Variants in XIRP2 observed in about 807,000 individuals in gnomAD.
The protein encoded by XIRP2 is xin actin-binding repeat-containing protein 2.
In XIRP2, 236 loss-of-function variants were observed where a neutral mutation model predicts 277.0. The ratio of observed to expected loss-of-function variants is 0.85; its 90% CI spans 0.77 to 0.95. The LOEUF (loss-of-function observed/expected upper bound fraction) is 0.95. Among genes scored for constraint, XIRP2 ranks in the 40% least tolerant of loss-of-function variants. The pLI is 0.00. For missense variants in XIRP2, 4,640 were observed against 4,157.5 expected, an observed-to-expected ratio of 1.12 and a Z score of -3.19; for synonymous variants, 1,490 against 1,416.5, an observed-to-expected ratio of 1.05 and a Z score of -1.17.
At chr2:166,936,138 T>G (rs1285354025) in intron 2 of XIRP2, among the ~76,000 whole-genome samples, 1 of 152,258 alleles carries the variant, frequency 6.6e-6, no homozygotes, top group Non-Finnish European at 1.5e-5. Context: ...CATTGTAGTT[T>G]TATTTGCATT....
chr2:167,242,627 C>T lies in XIRP2; in HGVS notation c.1235C>T (p.Thr412Ile). The change falls in exon 9 of 11, where the codon ACT becomes ATT. Residue 412 changes from threonine (T) to isoleucine (I), a missense_variant. Transcript: ENST00000409195. ...TCATCAGTTGTGAGTACCTCTTCCA[C>T]TTCTTGCGTTTCAACCAGCCAGAGG... Reference protein sequence around the residue: ...KPSSVVSTSSTSCVSTSQRKE... With the variant: ...KPSSVVSTSSISCVSTSQRKE... The T allele has an allele frequency of 6.2e-7, 1 of 1,614,078 alleles. No individual in the cohort carries two copies. Among genetic ancestry groups the T allele is most frequent in the Non-Finnish European group, 8.5e-7 (1 of 1,179,976 alleles).
chr2:167,125,808 C>G (rs191108214), intron 2 of XIRP2, among the ~76,000 whole-genome samples: 1 of 152,110 alleles, frequency 6.6e-6, no homozygotes, highest in Non-Finnish European at 1.5e-5. Context: ...GTTTTAATCA[C>G]TCATGGTTCT....
intron 3 of XIRP2, among the ~76,000 whole-genome samples, chr2:167,206,147 C>A (rs1332467307): frequency 6.6e-6 from 1 of 152,116 alleles, no homozygotes; most frequent in Non-Finnish European, 1.5e-5. Flanking sequence ...TTTTCTTTTT[C>A]CATGAACTTA....
At chr2:167,059,278 T>A in intron 2 of XIRP2, among the ~76,000 whole-genome samples, 1 of 150,898 alleles carries the variant, frequency 6.6e-6, no homozygotes. Context: ...TATTTTTTTA[T>A]TTTTTTATTT....
intron 2 of XIRP2, among the ~76,000 whole-genome samples, chr2:166,984,345 C>T (rs1161163029): frequency 6.6e-6 from 1 of 152,038 alleles, no homozygotes; most frequent in South Asian, 2.1e-4. Context: ...GACACAGTAG[C>T]CTAAAATAAC....
intron 2 of XIRP2, among the ~76,000 whole-genome samples, chr2:167,044,656 G>A (rs1201209644): frequency 1.3e-5 from 2 of 151,998 alleles, no homozygotes; most frequent in East Asian, 3.9e-4. Context: ...TATCAAGAAT[G>A]CAATTCTATT....
rs370077843 is a variant in XIRP2, at chr2:166,969,299, A to G, written c.408+65409A>G. Among the ~76,000 whole-genome samples, 86 of 152,140 alleles carry G rather than the reference A, an allele frequency of 5.7e-4. 3 individuals carry two copies. The South Asian group carries it at 0.016, about 29-fold the overall frequency. Reference sequence around the variant, plus strand: ...TATGACACTTTGAATAGATGTTCAAAGGATCAGGAGACAGCAACAATGTTT... The same window carrying G: ...TATGACACTTTGAATAGATGTTCAAGGGATCAGGAGACAGCAACAATGTTT... On this transcript the variant is annotated intron_variant, in intron 2 of 10. Transcript: ENST00000409195.
rs1695131476 is a variant in XIRP2 at position 167,243,253 on chromosome 2, T to G, written c.1861T>G (p.Phe621Val). The change falls in exon 9 of 11, where the codon TTT becomes GTT. Residue 621 changes from phenylalanine (F) to valine (V), a missense_variant. Phe to Val is a conservative substitution (Grantham distance 50). Coordinates refer to ENST00000409195, the MANE Select transcript of XIRP2 (RefSeq NM_152381.6). ...TGATGTGAAATATACCACATGGATGTTTGAAACCCAACCCATCGACACACT... is the reference window on the plus strand; with the variant it reads ...TGATGTGAAATATACCACATGGATGGTTGAAACCCAACCCATCGACACACT... ...GGDVKYTTWM[F>V]ETQPIDTLGA... 6.2e-7 allele frequency: 1 copy of G among 1,613,722 alleles called. No homozygotes were observed. Among genetic ancestry groups the G allele is most frequent in the Non-Finnish European group, 8.5e-7 (1 of 1,179,802 alleles).
rs187202525 is a variant in XIRP2 at position 167,011,009 on chromosome 2, A to G, written c.408+107119A>G. ...GGTTTTCTAGATATACAATCATGTC[A>G]TCTGCAAACAGGGCCAATATGACTT... On this transcript the variant is annotated intron_variant, in intron 2 of 10. Coordinates refer to ENST00000409195, the MANE Select transcript of XIRP2 (RefSeq NM_152381.6). Among the ~76,000 whole-genome samples, 162 of 152,246 alleles carry G rather than the reference A, an allele frequency of 1.1e-3. 3 individuals carry two copies. The South Asian group carries it at 0.013, about 12-fold the overall frequency.
intron 3 of XIRP2, 43 bp downstream of exon 3, chr2:167,136,105 G>A (rs1427626443): frequency 6.6e-7 from 1 of 1,512,518 alleles, no homozygotes; most frequent in African/African-American, 1.4e-5. Context: ...ATCATACCTT[G>A]TACAACATGA....
intron 2 of XIRP2, among the ~76,000 whole-genome samples, chr2:167,083,287 T>C (rs1308910536): frequency 6.6e-6 from 1 of 152,206 alleles, no homozygotes; most frequent in Non-Finnish European, 1.5e-5. Flanking sequence ...GGCTCTGTTC[T>C]GTTCCATTGA....
At chr2:167,056,006 A>T (rs1025819845) in intron 2 of XIRP2, among the ~76,000 whole-genome samples, 2 of 152,174 alleles carry the variant, frequency 1.3e-5, no homozygotes, top group African/African-American at 4.8e-5. Context: ...GGTTCAGTAA[A>T]TACCTTCTTT....
At chr2:167,035,926 C>A (rs1009074383) in intron 2 of XIRP2, among the ~76,000 whole-genome samples, 38 of 152,342 alleles carry the variant, frequency 2.5e-4, no homozygotes, top group East Asian at 9.7e-4. Context: ...AAGGGCCCAA[C>A]ATACAGCTTG....
chr2:166,941,636 T>C (rs1414432446), intron 2 of XIRP2, among the ~76,000 whole-genome samples: 2 of 152,224 alleles, frequency 1.3e-5, no homozygotes, highest in Non-Finnish European at 2.9e-5. Context: ...TATGTCTAAG[T>C]GTTGAATATT....
chr2:167,016,132 GTCC>G (rs911092198), intron 2 of XIRP2, among the ~76,000 whole-genome samples: 73 of 151,556 alleles, frequency 4.8e-4, no homozygotes, highest in African/African-American at 1.6e-3. Flanking sequence ...TGTCGATTCC[GTCC>G]TCCTCCTCAA....
chr2:167,170,175 G>A (rs182212629), intron 3 of XIRP2, among the ~76,000 whole-genome samples: 159 of 152,096 alleles, frequency 1.0e-3, no homozygotes, highest in Non-Finnish European at 2.0e-3. Context: ...TTTTTTAAAT[G>A]ATCTCTTTAT....
Position 167,242,710 on chromosome 2 carries a change from C to G in XIRP2, c.1318C>G (p.Gln440Glu). 6.2e-7 allele frequency: 1 copy of G among 1,614,106 alleles called. No individual in the cohort carries two copies. ...DHSVTSSTLA[Q>E]INATSSGMTE... ...CAGTGTCACTTCCTCAACTCTGGCA[C>G]AAATTAATGCTACTTCTTCAGGAAT... Residue 440 changes from glutamine (Q) to glutamate (E), a missense_variant, in exon 9 of 11, where the codon CAA becomes GAA. Coordinates refer to ENST00000409195, the MANE Select transcript of XIRP2 (RefSeq NM_152381.6).
chr2:167,007,679 A>AGT (rs780315826), intron 2 of XIRP2, among the ~76,000 whole-genome samples: 320 of 142,386 alleles, frequency 2.2e-3, no homozygotes, highest in African/African-American at 8.2e-3. Context: ...CCACATGTAC[A>AGT]CTCTCTCTCT....
At chr2:167,133,625 A>T (rs1423447048) in intron 2 of XIRP2, among the ~76,000 whole-genome samples, 1 of 152,236 alleles carries the variant, frequency 6.6e-6, no homozygotes, top group Non-Finnish European at 1.5e-5. Flanking sequence ...CATGTTCAGT[A>T]TTCCACCTTT....
Sources: allele counts gnomAD v4.1 joint callset (sites outside exome capture counted in the v4.1 genomes callset), GRCh38; gene constraint gnomAD v4.1.1; transcripts MANE v1.5; gene names NCBI Gene and HGNC (gene_info 2026-07-23, HGNC 2026-07-21).